Variants in ASIC2 observed in about 807,000 individuals in gnomAD.
ASIC2 encodes the protein acid sensing ion channel subunit 2.
A neutral mutation model predicts 57.3 loss-of-function variants in ASIC2; 25 were observed. The observed-to-expected ratio is 0.44, with a 90% confidence interval of 0.32 to 0.61. The LOEUF is 0.61. Ranked by LOEUF, ASIC2 falls within the 20% of genes least tolerant of loss-of-function variation. The probability of loss-of-function intolerance (pLI) is 0.06; values close to 1 mark genes in which losing one functional copy is unlikely to be tolerated. For synonymous variants in ASIC2, 319 were observed against 307.5 expected, an observed-to-expected ratio of 1.04 and a Z score of -0.39; for missense variants, 641 against 738.1, an observed-to-expected ratio of 0.87 and a Z score of 1.52.
chr17:34,062,904 T>G (rs1909023980), intron 1 of ASIC2, among the ~76,000 whole-genome samples: 1 of 151,942 alleles, frequency 6.6e-6, no homozygotes, highest in South Asian at 2.1e-4. Context: ...AATAATTCAG[T>G]ACCAGACGAA....
chr17:33,325,576 G>T (rs1907042251), intron 1 of ASIC2, among the ~76,000 whole-genome samples: 1 of 152,126 alleles, frequency 6.6e-6, no homozygotes, highest in Non-Finnish European at 1.5e-5. Flanking sequence ...AGGCCTTGGG[G>T]GTGCGAAGAC....
intron 1 of ASIC2, among the ~76,000 whole-genome samples, chr17:33,858,814 C>A (rs1567736850): frequency 6.6e-6 from 1 of 152,202 alleles, no homozygotes; most frequent in Non-Finnish European, 1.5e-5. Flanking sequence ...AACCATTGAA[C>A]CATGCCAGAC....
At chr17:33,391,532 C>T (rs182020270) in intron 1 of ASIC2, among the ~76,000 whole-genome samples, 3 of 152,316 alleles carry the variant, frequency 2.0e-5, no homozygotes, top group Admixed American at 2.0e-4. Context: ...CAGTTCTTTG[C>T]CTTTGCCCTT....
intron 1 of ASIC2, among the ~76,000 whole-genome samples, chr17:33,377,448 T>C (rs1010929264): frequency 8.5e-5 from 13 of 152,250 alleles, no homozygotes; most frequent in Non-Finnish European, 1.5e-5. Flanking sequence ...ATTTCTCTCT[T>C]CTAAACCTAG....
intron 1 of ASIC2, among the ~76,000 whole-genome samples, chr17:33,508,569 T>C (rs779352144): frequency 6.6e-6 from 1 of 152,002 alleles, no homozygotes; most frequent in Non-Finnish European, 1.5e-5. Flanking sequence ...TTCCATGCAG[T>C]GGAAACATTT....
At chr17:33,664,135 G>T (rs964992457) in intron 1 of ASIC2, among the ~76,000 whole-genome samples, 6 of 152,156 alleles carry the variant, frequency 3.9e-5, no homozygotes, top group Non-Finnish European at 8.8e-5. Flanking sequence ...CGTCAGCCTT[G>T]GTGCAGTTGC....
chr17:33,911,939 G>A (rs1334358320), intron 1 of ASIC2, among the ~76,000 whole-genome samples: 1 of 151,992 alleles, frequency 6.6e-6, no homozygotes, highest in Non-Finnish European at 1.5e-5. Flanking sequence ...TCGGGAGTTC[G>A]AGACCAGCCT....
chr17:33,822,088 T>C (rs1912760846), intron 1 of ASIC2, among the ~76,000 whole-genome samples: 1 of 152,232 alleles, frequency 6.6e-6, no homozygotes, highest in African/African-American at 2.4e-5. Context: ...AGCTTCATCA[T>C]CTGTAACTGG....
At chr17:33,765,818 G>A (rs1910918335) in intron 1 of ASIC2, among the ~76,000 whole-genome samples, 1 of 152,210 alleles carries the variant, frequency 6.6e-6, no homozygotes, top group Admixed American at 6.5e-5. Context: ...CTTCCTTTAG[G>A]CACATTCGTG....
At chr17:34,000,344 TG>T (rs1323411999) in intron 1 of ASIC2, among the ~76,000 whole-genome samples, 1 of 149,402 alleles carries the variant, frequency 6.7e-6, no homozygotes, top group Non-Finnish European at 1.5e-5. Context: ...CTCCACCTCC[TG>T]GGTTCAAGCA....
chr17:33,285,195 C>T (rs771106155), intron 1 of ASIC2, among the ~76,000 whole-genome samples: 1 of 152,198 alleles, frequency 6.6e-6, no homozygotes, highest in South Asian at 2.1e-4. Context: ...GCCAAAGTGG[C>T]CCCAAAATAG....
intron 1 of ASIC2, chr17:34,038,190 T>C: frequency 6.2e-7 from 1 of 1,612,670 alleles, no homozygotes; most frequent in East Asian, 2.2e-5. Flanking sequence ...GGAGGTTTTA[T>C]TTCATTTAAG....
intron 1 of ASIC2, chr17:34,038,827 G>A (rs1907990118): frequency 3.7e-6 from 6 of 1,612,120 alleles, no homozygotes; most frequent in Non-Finnish European, 5.1e-6. Context: ...CCTGACCCAT[G>A]GCAGGAGGTT....
At chr17:33,722,028 A>G (rs537150874) in intron 1 of ASIC2, among the ~76,000 whole-genome samples, 14 of 152,242 alleles carry the variant, frequency 9.2e-5, no homozygotes, top group Non-Finnish European at 2.1e-4. Context: ...ATATAGAAAG[A>G]ACTACACATC....
chr17:33,325,205 C>T (rs889732889), intron 1 of ASIC2, among the ~76,000 whole-genome samples: 9 of 152,184 alleles, frequency 5.9e-5, no homozygotes, highest in Admixed American at 5.9e-4. Context: ...AGACAATAAG[C>T]AGATATTCAC....
intron 1 of ASIC2, chr17:34,118,941 A>T (rs536148914): frequency 5.9e-5 from 9 of 152,352 alleles, no homozygotes; most frequent in African/African-American, 2.2e-4. Context: ...ATCTTTCATG[A>T]TCTTTCATTG....
intron 1 of ASIC2, among the ~76,000 whole-genome samples, chr17:33,610,148 T>G (rs1905354559): frequency 6.6e-6 from 1 of 152,170 alleles, no homozygotes; most frequent in African/African-American, 2.4e-5. Flanking sequence ...ATGCTTATTC[T>G]TTCTCCCTAT....
chr17:33,966,943 G>A (rs139619403), intron 1 of ASIC2, among the ~76,000 whole-genome samples: 243 of 151,586 alleles, frequency 1.6e-3, no homozygotes, highest in African/African-American at 5.4e-3. Context: ...TAGCCCAAAT[G>A]TGGGCCCTGC....
At chr17:33,056,127 T>G (rs985411858) in intron 3 of ASIC2, among the ~76,000 whole-genome samples, 1 of 152,238 alleles carries the variant, frequency 6.6e-6, no homozygotes, top group Non-Finnish European at 1.5e-5. Flanking sequence ...GATTTGCCTC[T>G]GGTCATGCAG....
Sources: gnomAD v4.1 joint callset for allele counts (sites outside exome capture counted in the v4.1 genomes callset) on GRCh38, gnomAD v4.1.1 for gene constraint, MANE v1.5 for transcripts, NCBI Gene and HGNC (gene_info 2026-07-23, HGNC 2026-07-21) for gene names.